Variants in TENM1 observed in about 807,000 individuals in gnomAD.
The protein encoded by TENM1 is teneurin-1.
TENM1 carries 35 observed loss-of-function variants against 174.8 expected under a neutral mutation model. That is an observed-to-expected ratio of 0.20 (90% confidence interval 0.15 to 0.27). The LOEUF is 0.27. Among genes scored for constraint, TENM1 ranks in the 10% least tolerant of loss-of-function variants. The pLI is 1.00. For missense variants in TENM1, 1,633 were observed against 2,130.1 expected, an observed-to-expected ratio of 0.77 and a Z score of 4.59; for synonymous variants, 781 against 798.7, an observed-to-expected ratio of 0.98 and a Z score of 0.37.
chrX:124,722,609 A>T (rs1228202313), intron 4 of TENM1, among the ~76,000 whole-genome samples: 1 of 110,321 alleles, frequency 9.1e-6, no homozygotes, highest in African/African-American at 3.3e-5. Flanking sequence ...GGAAGGCCGA[A>T]GCGGGCGGAT....
At chrX:124,789,021 C>A (rs2055112809) in intron 3 of TENM1, among the ~76,000 whole-genome samples, 1 of 112,375 alleles carries the variant, frequency 8.9e-6, no homozygotes, top group Non-Finnish European at 1.9e-5. Flanking sequence ...CCTGGATATC[C>A]AGGCATTTCC....
intron 3 of TENM1, among the ~76,000 whole-genome samples, chrX:124,832,055 T>G (rs1332531776): frequency 1.8e-5 from 2 of 111,736 alleles, no homozygotes; most frequent in African/African-American, 6.5e-5. Flanking sequence ...TAACAGTGTT[T>G]TGTTTTATCA....
chrX:125,144,044 T>C, the TENM1 span, among the ~76,000 whole-genome samples: 1 of 111,642 alleles, frequency 9.0e-6, no homozygotes. Context: ...ATGTACAAAA[T>C]GTCTGAGTAT....
intron 28 of TENM1, among the ~76,000 whole-genome samples, chrX:124,391,435 T>C (rs2060280687): frequency 9.0e-6 from 1 of 111,361 alleles, no homozygotes; most frequent in Admixed American, 9.6e-5. Flanking sequence ...GGGCTGATGT[T>C]TGACAAATGG....
chrX:125,087,034 A>G, the TENM1 span, among the ~76,000 whole-genome samples: 1 of 111,560 alleles, frequency 9.0e-6, no homozygotes, highest in Admixed American at 9.6e-5. Context: ...GCCCTTGAAA[A>G]GCAGGTTTAT....
the TENM1 span, among the ~76,000 whole-genome samples, chrX:124,987,308 C>G: frequency 1.5e-4 from 17 of 110,978 alleles, no homozygotes; most frequent in Non-Finnish European, 2.6e-4. Context: ...TATAAATCTA[C>G]CCTAATTAAG....
At chrX:124,403,081 G>T (rs1469434248) in intron 27 of TENM1, among the ~76,000 whole-genome samples, 2 of 110,758 alleles carry the variant, frequency 1.8e-5, no homozygotes, top group East Asian at 5.6e-4. Flanking sequence ...TCAGAAACTT[G>T]TCAATAGAAT....
At chrX:124,851,141 T>C in intron 3 of TENM1, among the ~76,000 whole-genome samples, 1 of 111,806 alleles carries the variant, frequency 8.9e-6, no homozygotes, top group East Asian at 2.8e-4. Flanking sequence ...TCTATGACTT[T>C]CTCTCTTCTT....
chrX:124,950,432 G>A (rs1603289233), intron 1 of TENM1, among the ~76,000 whole-genome samples: 1 of 111,853 alleles, frequency 8.9e-6, no homozygotes, highest in East Asian at 2.8e-4. Context: ...AGGACCAGTG[G>A]AATTTTAGTA....
chrX:124,752,533 T>C (rs1449179163), intron 3 of TENM1, among the ~76,000 whole-genome samples: 2 of 111,984 alleles, frequency 1.8e-5, no homozygotes, highest in Non-Finnish European at 3.8e-5. Context: ...TTCGTTGCCA[T>C]TGCTTTTGGT....
chrX:125,064,464 C>T, the TENM1 span, among the ~76,000 whole-genome samples: 2 of 111,389 alleles, frequency 1.8e-5, no homozygotes, highest in African/African-American at 3.3e-5. Flanking sequence ...ATGCTTTACA[C>T]AAAGTTTATG....
rs1287092079 is a variant in TENM1, at chrX:124,754,047, A to C, written c.536-16850T>G. On this transcript the variant is annotated intron_variant, in intron 3 of 31. Coordinates refer to ENST00000422452, the Ensembl canonical transcript of TENM1. ...TCCCTCTTTTTCTATTGATTGGAAT[A>C]GTTTCAGAAGGAATGGTACCAGTTC... is the stretch of plus-strand genomic sequence containing the variant. 3.6e-5 allele frequency among the ~76,000 whole-genome samples: 4 copies of C among 111,660 alleles called. No individual in the cohort carries two copies. In the East Asian group the frequency reaches 8.4e-4, roughly 23 times the overall value.
chrX:124,612,776 ACTAT>A (rs780701836), intron 11 of TENM1, among the ~76,000 whole-genome samples: 96 of 110,409 alleles, frequency 8.7e-4, no homozygotes, highest in African/African-American at 2.2e-3. Context: ...TTTTCTCCCA[ACTAT>A]CTATCTATCT....
chrX:124,572,285 C>A (rs1375848571), intron 11 of TENM1, among the ~76,000 whole-genome samples: 1 of 111,678 alleles, frequency 9.0e-6, no homozygotes, highest in East Asian at 2.8e-4. Context: ...ATGTAATTCA[C>A]CACTGAATTA....
the TENM1 span, among the ~76,000 whole-genome samples, chrX:125,102,231 C>CT: frequency 0.015 from 1,443 of 94,766 alleles, 26 homozygotes; most frequent in African/African-American, 0.05. Context: ...AGGGCCACTC[C>CT]TTTTTTTTTT....
At chrX:124,519,846 A>C (rs2047800986) in intron 18 of TENM1, among the ~76,000 whole-genome samples, 1 of 111,642 alleles carries the variant, frequency 9.0e-6, no homozygotes, top group South Asian at 3.8e-4. Context: ...AGTATAGTAT[A>C]GTGAGTTCTT....
At chrX:124,720,114 C>T (rs778166740) in intron 4 of TENM1, among the ~76,000 whole-genome samples, 2 of 111,396 alleles carry the variant, frequency 1.8e-5, no homozygotes, top group African/African-American at 3.3e-5. Context: ...AAATAAAATT[C>T]GAAGGCCCCA....
At chrX:125,074,067 A>T in the TENM1 span, among the ~76,000 whole-genome samples, 2 of 110,870 alleles carry the variant, frequency 1.8e-5, no homozygotes, top group Non-Finnish European at 3.8e-5. Flanking sequence ...ATTCTATACA[A>T]CTTTGAGAAG....
At chrX:124,575,476 C>T in intron 11 of TENM1, among the ~76,000 whole-genome samples, 2 of 112,035 alleles carry the variant, frequency 1.8e-5, no homozygotes, top group Middle Eastern at 9.2e-3. Context: ...CGACACACTC[C>T]AGCCTATATA....
Sources: gnomAD v4.1 joint callset for allele counts (sites outside exome capture counted in the v4.1 genomes callset) on GRCh38, gnomAD v4.1.1 for gene constraint, MANE v1.5 for transcripts, NCBI Gene and HGNC (gene_info 2026-07-23, HGNC 2026-07-21) for gene names.